The following OLFM2 variants were observed in gnomAD, a reference collection of about 807,000 sequenced individuals.
OLFM2 encodes noelin-2.
In OLFM2, 20 loss-of-function variants were observed where a neutral mutation model predicts 43.9. The ratio of observed to expected loss-of-function variants is 0.46; its 90% CI spans 0.32 to 0.66. OLFM2 has a LOEUF of 0.66. Among genes scored for constraint, OLFM2 ranks in the 30% least tolerant of loss-of-function variants. The probability of loss-of-function intolerance (pLI) is 0.04; values close to 1 mark genes in which losing one functional copy is unlikely to be tolerated. For synonymous variants in OLFM2, 268 were observed against 278.6 expected (o/e 0.96, Z 0.38); for missense variants, 416 against 643.6 (o/e 0.65, Z 3.83).
At chr19:9,888,534 C>CAA (rs1568376488) in intron 1 of OLFM2, among the ~76,000 whole-genome samples, 1 of 109,622 alleles carries the variant, frequency 9.1e-6, no homozygotes, top group Non-Finnish European at 2.0e-5. Context: ...AAAAAAAAAA[C>CAA]AAAAAACAAA....
chr19:9,870,895 G>A (rs933531775), intron 1 of OLFM2, among the ~76,000 whole-genome samples: 3 of 152,006 alleles, frequency 2.0e-5, no homozygotes, highest in South Asian at 2.1e-4. Flanking sequence ...ATAAATAGCC[G>A]GGTGTGGTGG....
intron 1 of OLFM2, among the ~76,000 whole-genome samples, chr19:9,887,718 C>A (rs976757691): frequency 6.6e-6 from 1 of 152,098 alleles, no homozygotes; most frequent in Non-Finnish European, 1.5e-5. Context: ...GTGCTGAGAA[C>A]CCTCCATGGC....
chr19:9,922,054 AC>A (rs2086424826), intron 1 of OLFM2, among the ~76,000 whole-genome samples: 1 of 151,192 alleles, frequency 6.6e-6, no homozygotes, highest in Non-Finnish European at 1.5e-5. Flanking sequence ...TAATTGCACC[AC>A]TGCACTCCGG....
At chr19:9,905,945 A>G (rs1568382323) in intron 1 of OLFM2, among the ~76,000 whole-genome samples, 1 of 152,142 alleles carries the variant, frequency 6.6e-6, no homozygotes, top group Non-Finnish European at 1.5e-5. Context: ...GACATTCCGC[A>G]CACAAGACAC....
Position 9,857,999 on chromosome 19 carries a change from A to C in OLFM2, c.214-138T>G. The C allele has an allele frequency of 9.4e-7, 1 of 1,062,224 alleles. No individual in the cohort carries two copies. The highest frequency in any genetic ancestry group is 1.4e-6 in the Non-Finnish European group (1 of 706,940). 65.8% of individuals were successfully genotyped at this position (1,062,224 alleles called of 1,614,324 possible). A position where few individuals can be genotyped will look rare whatever the true frequency, so the allele number is the denominator to read the frequency against. On this transcript the variant is annotated intron_variant, in intron 2 of 5. Coordinates refer to ENST00000264833, the MANE Select transcript of OLFM2 (RefSeq NM_058164.4). This position sits in a 1 kb window ranked among gnomAD's most constrained non-coding sequence, Gnocchi z 5.7. The stretch of plus-strand genomic sequence containing the variant: ...GGCCACCTTCTCCTCCCCTGAGCTT[A>C]CCAGCAGCCTCCCAATTGCGTGCCC...
At chr19:9,885,558 C>A (rs2046579386) in intron 1 of OLFM2, among the ~76,000 whole-genome samples, 1 of 152,134 alleles carries the variant, frequency 6.6e-6, no homozygotes, top group Non-Finnish European at 1.5e-5. Context: ...CTTCTCTGGA[C>A]CTGCCCATGG....
chr19:9,882,736 G>A (rs116829237), intron 1 of OLFM2, among the ~76,000 whole-genome samples: 4,693 of 150,346 alleles, frequency 0.031, 250 homozygotes, highest in African/African-American at 0.11. Context: ...GTAGTGAGAC[G>A]CTGTGTCTAC....
chr19:9,855,241 ATTT>A (rs1216061769), intron 5 of OLFM2, among the ~76,000 whole-genome samples: 7 of 134,232 alleles, frequency 5.2e-5, no homozygotes, highest in Non-Finnish European at 8.1e-5. Flanking sequence ...TTTTTAAGTA[ATTT>A]TTTTTTTTTT....
Position 9,857,687 on chromosome 19 carries a change from C to T in OLFM2, c.360+28G>A. On this transcript the variant is annotated intron_variant, in intron 3 of 5. Coordinates refer to ENST00000264833, the MANE Select transcript of OLFM2 (RefSeq NM_058164.4). The surrounding 1 kb of genome is among the most constrained non-coding windows in gnomAD (Gnocchi z 5.7). ...TACCAAATCCCAGTCATTTGTTTGA[C>T]CTCTGGTCTGGACACAGGAGGACCC... is the stretch of plus-strand genomic sequence containing the variant. 6.2e-7 allele frequency: 1 copy of T among 1,614,150 alleles called. No homozygotes were observed. Among genetic ancestry groups the T allele is most frequent in the Non-Finnish European group, 8.5e-7 (1 of 1,180,024 alleles).
At chr19:9,891,391 G>A (rs553431247) in intron 1 of OLFM2, among the ~76,000 whole-genome samples, 14 of 151,140 alleles carry the variant, frequency 9.3e-5, no homozygotes, top group East Asian at 1.9e-4. Context: ...TTGGGAGGCC[G>A]AGGTAGGTGA....
At chr19:9,927,645 G>A (rs80091623) in intron 1 of OLFM2, among the ~76,000 whole-genome samples, 4 of 152,152 alleles carry the variant, frequency 2.6e-5, no homozygotes, top group Non-Finnish European at 4.4e-5. Context: ...ACCATGTGTC[G>A]GCTGCATCTG....
At chr19:9,884,147 T>G (rs2046565158) in intron 1 of OLFM2, among the ~76,000 whole-genome samples, 1 of 151,878 alleles carries the variant, frequency 6.6e-6, no homozygotes, top group Non-Finnish European at 1.5e-5. Flanking sequence ...TGCGCACCTG[T>G]AGTCCCAGCT....
At chr19:9,873,398 C>T (rs1007025906) in intron 1 of OLFM2, among the ~76,000 whole-genome samples, 7 of 152,160 alleles carry the variant, frequency 4.6e-5, no homozygotes, top group African/African-American at 1.7e-4. Flanking sequence ...AAGGGATCCA[C>T]CTGCCTCAGC....
chr19:9,907,930 G>A (rs1008549188), intron 1 of OLFM2, among the ~76,000 whole-genome samples: 10 of 152,008 alleles, frequency 6.6e-5, no homozygotes, highest in South Asian at 4.1e-4. Flanking sequence ...GCTTGAATCC[G>A]GGAGGCAGAG....
At chr19:9,872,074 G>C (rs1259943371) in intron 1 of OLFM2, among the ~76,000 whole-genome samples, 2 of 152,202 alleles carry the variant, frequency 1.3e-5, no homozygotes, top group African/African-American at 4.8e-5. Context: ...CGTGATGAAT[G>C]ATGGAGAATG....
chr19:9,863,693 G>A (rs1453914391), intron 1 of OLFM2, among the ~76,000 whole-genome samples: 2 of 151,272 alleles, frequency 1.3e-5, no homozygotes, highest in Non-Finnish European at 2.9e-5. Context: ...GAGCGATCCC[G>A]GGGACTCCAA....
At chr19:9,936,206 G>A in intron 1 of OLFM2, 98 bp downstream of exon 1, 3 of 1,335,100 alleles carry the variant, frequency 2.2e-6, no homozygotes, top group East Asian at 5.4e-5. Flanking sequence ...AGCTGGGGGG[G>A]CTTGTGGAGC....
intron 1 of OLFM2, among the ~76,000 whole-genome samples, chr19:9,923,214 T>TCATTTGTGGA (rs1262792302): frequency 1.3e-5 from 2 of 152,272 alleles, no homozygotes; most frequent in Middle Eastern, 6.8e-3. Flanking sequence ...GCATTTGTGG[T>TCATTTGTGGA]CATTTGTGGA....
chr19:9,899,421 C>T (rs2046712093), intron 1 of OLFM2, among the ~76,000 whole-genome samples: 1 of 152,142 alleles, frequency 6.6e-6, no homozygotes, highest in African/African-American at 2.4e-5. Flanking sequence ...AGGGCCTCTG[C>T]ACATGCAGCT....
Sources: allele counts gnomAD v4.1 joint callset (sites outside exome capture counted in the v4.1 genomes callset), GRCh38; gene constraint gnomAD v4.1.1; non-coding constraint Gnocchi (gnomAD v3.1); transcripts MANE v1.5; gene names NCBI Gene and HGNC (gene_info 2026-07-23, HGNC 2026-07-21).